The following HOMER1 variants were observed in gnomAD, a reference collection of about 807,000 sequenced individuals.
HOMER1 encodes homer protein homolog 1.
In HOMER1, 3 loss-of-function variants were observed where a neutral mutation model predicts 48.9. The observed-to-expected ratio is 0.06, with a 90% CI of 0.03 to 0.16. The LOEUF is 0.16. HOMER1 is among the 10% of genes least tolerant of loss of function. The pLI, the probability that HOMER1 is intolerant of heterozygous loss-of-function variation, is 1.00. For missense variants in HOMER1, 247 were observed against 411.4 expected, an observed-to-expected ratio of 0.60 and a Z score of 3.46; for synonymous variants, 134 against 146.4, an observed-to-expected ratio of 0.92 and a Z score of 0.61.
chr5:79,492,976 T>G (rs1181125136), intron 1 of HOMER1, among the ~76,000 whole-genome samples: 1 of 138,958 alleles, frequency 7.2e-6, no homozygotes, highest in Non-Finnish European at 1.5e-5. Flanking sequence ...TGGAGTGCAG[T>G]GGCACGATCG....
At chr5:79,487,099 C>T (rs1345508851) in intron 1 of HOMER1, among the ~76,000 whole-genome samples, 2 of 152,034 alleles carry the variant, frequency 1.3e-5, no homozygotes, top group Admixed American at 1.3e-4. Context: ...GTCAACATGA[C>T]GAAACCCCGT....
chr5:79,484,534 C>T (rs1354797925), intron 1 of HOMER1, among the ~76,000 whole-genome samples: 2 of 152,012 alleles, frequency 1.3e-5, no homozygotes, highest in African/African-American at 4.8e-5. Context: ...GGCAACACTG[C>T]AAGACCCTGT....
At chr5:79,448,619 T>G (rs1027418612) in intron 3 of HOMER1, among the ~76,000 whole-genome samples, 4 of 152,304 alleles carry the variant, frequency 2.6e-5, no homozygotes, top group Non-Finnish European at 5.9e-5. Flanking sequence ...CAAACCCTTA[T>G]AATGTTTTGA....
At chr5:79,464,200 AG>A (rs2112313249) in intron 1 of HOMER1, among the ~76,000 whole-genome samples, 1 of 152,322 alleles carries the variant, frequency 6.6e-6, no homozygotes, top group Admixed American at 6.5e-5. Flanking sequence ...CAATTTTAAC[AG>A]GTTGGAACTC....
intron 1 of HOMER1, among the ~76,000 whole-genome samples, chr5:79,498,061 C>A (rs1488864233): frequency 6.6e-6 from 1 of 152,190 alleles, no homozygotes; most frequent in Non-Finnish European, 1.5e-5. Context: ...CTGCCACTGT[C>A]ATACTAGACT....
At chr5:79,473,324 C>T (rs1043359868) in intron 1 of HOMER1, among the ~76,000 whole-genome samples, 2 of 152,058 alleles carry the variant, frequency 1.3e-5, no homozygotes, top group African/African-American at 2.4e-5. Context: ...ATTTGTGATT[C>T]TTTTTTTGTT....
chr5:79,446,796 C>G (rs946660745), intron 4 of HOMER1, among the ~76,000 whole-genome samples: 4 of 143,532 alleles, frequency 2.8e-5, no homozygotes, highest in African/African-American at 1.0e-4. Context: ...CACCACCACA[C>G]TTGGCTAATT....
rs1273901417 is a variant in HOMER1 at position 79,513,212 on chromosome 5, A to T, written c.-438T>A. 1 of 167,266 alleles carries T rather than the reference A, an allele frequency of 6.0e-6. No homozygotes were observed. Among genetic ancestry groups the T allele is most frequent in the East Asian group, 1.8e-4 (1 of 5,628 alleles). 10.4% of individuals were successfully genotyped at this position (167,266 alleles called of 1,614,324 possible). On this transcript the variant is annotated 5_prime_UTR_variant, in exon 1 of 9. Transcript: ENST00000334082. ...CGGGTTCAAATTTCTCCACCACACCAGGTCTCCGGGGGTGGAGCGAGCAAC... is the reference window on the plus strand; with the variant it reads ...CGGGTTCAAATTTCTCCACCACACCTGGTCTCCGGGGGTGGAGCGAGCAAC...
intron 1 of HOMER1, among the ~76,000 whole-genome samples, chr5:79,509,631 C>A (rs1377293981): frequency 2.0e-5 from 3 of 151,992 alleles, no homozygotes; most frequent in African/African-American, 7.2e-5. Flanking sequence ...ACTTTAGTTG[C>A]CTTCACTGCA....
intron 8 of HOMER1, among the ~76,000 whole-genome samples, chr5:79,376,403 A>G (rs962529167): frequency 3.4e-4 from 52 of 152,080 alleles, no homozygotes; most frequent in Non-Finnish European, 8.8e-5. Flanking sequence ...CTTGGTTATC[A>G]ATCTATCTAA....
At chr5:79,498,101 A>T (rs945056698) in intron 1 of HOMER1, among the ~76,000 whole-genome samples, 11 of 152,170 alleles carry the variant, frequency 7.2e-5, no homozygotes, top group African/African-American at 2.7e-4. Context: ...TCTTCAGTCA[A>T]GAGTTAAAGC....
At chr5:79,404,879 T>TA (rs1554057600) in intron 5 of HOMER1, among the ~76,000 whole-genome samples, 3,517 of 149,996 alleles carry the variant, frequency 0.023, 133 homozygotes, top group African/African-American at 0.082. Context: ...TTTTTTTTTT[T>TA]AATATTTTTA....
chr5:79,390,977 T>C (rs1328340051), intron 8 of HOMER1, among the ~76,000 whole-genome samples: 2 of 150,498 alleles, frequency 1.3e-5, no homozygotes, highest in African/African-American at 4.9e-5. Context: ...CATATATAAA[T>C]AAAAGTGAAA....
chr5:79,457,583 A>G (rs1009745305), intron 1 of HOMER1, among the ~76,000 whole-genome samples: 4 of 152,214 alleles, frequency 2.6e-5, no homozygotes, highest in Non-Finnish European at 4.4e-5. Flanking sequence ...TATGTGTTAG[A>G]TAAGTTTCAC....
chr5:79,444,030 T>G (rs1226477443), intron 4 of HOMER1, among the ~76,000 whole-genome samples: 1 of 152,204 alleles, frequency 6.6e-6, no homozygotes, highest in African/African-American at 2.4e-5. Flanking sequence ...AACAAAAGCT[T>G]TGACCAACCA....
intron 5 of HOMER1, among the ~76,000 whole-genome samples, chr5:79,412,654 C>A (rs1749840610): frequency 6.6e-6 from 1 of 152,140 alleles, no homozygotes; most frequent in Admixed American, 6.5e-5. Flanking sequence ...AACTATGGTC[C>A]CCTAAAACAA....
At chr5:79,476,060 T>C (rs1751768407) in intron 1 of HOMER1, among the ~76,000 whole-genome samples, 1 of 152,168 alleles carries the variant, frequency 6.6e-6, no homozygotes, top group South Asian at 2.1e-4. Flanking sequence ...ATTGAAATAT[T>C]ATACCTGACA....
chr5:79,409,045 G>A (rs111342733), intron 5 of HOMER1, among the ~76,000 whole-genome samples: 1 of 135,286 alleles, frequency 7.4e-6, no homozygotes, highest in South Asian at 2.4e-4. Flanking sequence ...TCATGCCACT[G>A]CACTCCAGCC....
At chr5:79,429,031 T>C (rs1159812371) in intron 5 of HOMER1, among the ~76,000 whole-genome samples, 1 of 152,196 alleles carries the variant, frequency 6.6e-6, no homozygotes, top group Non-Finnish European at 1.5e-5. Context: ...GAAGGGATCA[T>C]ACTTCCCAAT....
Sources: gnomAD v4.1 joint callset for allele counts (sites outside exome capture counted in the v4.1 genomes callset) on GRCh38, gnomAD v4.1.1 for gene constraint, MANE v1.5 for transcripts, NCBI Gene and HGNC (gene_info 2026-07-23, HGNC 2026-07-21) for gene names.